Variants in KDM5A observed in about 807,000 individuals in gnomAD.
KDM5A encodes the protein lysine-specific demethylase 5A.
A neutral mutation model predicts 193.5 loss-of-function variants in KDM5A; 42 were observed. That is an observed-to-expected ratio of 0.22 (90% CI 0.17 to 0.28). KDM5A has a LOEUF of 0.28. Among genes scored for constraint, KDM5A ranks in the 10% least tolerant of loss-of-function variants. The pLI is 1.00. For missense variants in KDM5A, 1,692 were observed against 2,055.1 expected (o/e 0.82, Z 3.42); for synonymous variants, 796 against 718.1 (o/e 1.11, Z -1.73).
chr12:376,273 G>A (rs1333812113), intron 3 of KDM5A, among the ~76,000 whole-genome samples: 1 of 152,202 alleles, frequency 6.6e-6, no homozygotes, highest in Non-Finnish European at 1.5e-5. Flanking sequence ...TCAAGCCTCA[G>A]CAATTGTGGG....
intron 24 of KDM5A, among the ~76,000 whole-genome samples, chr12:306,092 CT>C (rs1307927924): frequency 6.6e-6 from 1 of 151,260 alleles, no homozygotes; most frequent in African/African-American, 2.4e-5. Context: ...CCACTTCAGC[CT>C]CCCAAGTAGC....
At chr12:343,163 G>T (rs1176086990) in intron 10 of KDM5A, among the ~76,000 whole-genome samples, 1 of 152,202 alleles carries the variant, frequency 6.6e-6, no homozygotes, top group East Asian at 1.9e-4. Context: ...ACAGAGCCTT[G>T]CTCACTGCTA....
At chr12:339,506 G>C (rs1032819930) in intron 10 of KDM5A, among the ~76,000 whole-genome samples, 1 of 152,104 alleles carries the variant, frequency 6.6e-6, no homozygotes, top group Non-Finnish European at 1.5e-5. Context: ...AACAAAAAAG[G>C]CTTCACTGCC....
chr12:329,138 A>G (rs2137419418), intron 13 of KDM5A, 109 bp from the exon 14 acceptor site: 2 of 843,148 alleles, frequency 2.4e-6, no homozygotes, highest in Admixed American at 2.0e-5. Flanking sequence ...ACAGAATACC[A>G]AATCCATTTA....
intron 19 of KDM5A, among the ~76,000 whole-genome samples, chr12:316,732 C>A (rs1380176341): frequency 2.0e-5 from 3 of 152,148 alleles, no homozygotes; most frequent in African/African-American, 4.8e-5. Context: ...ACAGTTCCAA[C>A]AGGAAAAGCT....
At chr12:369,425 T>C (rs1944398088) in intron 3 of KDM5A, among the ~76,000 whole-genome samples, 1 of 152,182 alleles carries the variant, frequency 6.6e-6, no homozygotes, top group Admixed American at 6.5e-5. Context: ...TTTGTCCTCA[T>C]GGAGCTTACA....
chr12:330,085 G>GTATATATATATATATA (rs1555132314), intron 13 of KDM5A, among the ~76,000 whole-genome samples: 1 of 139,320 alleles, frequency 7.2e-6, no homozygotes, highest in African/African-American at 2.7e-5. Flanking sequence ...GTGTGTGTGT[G>GTATATATATATATATA]TATATATATA....
chr12:318,155 T>C lies in KDM5A; in HGVS notation c.2848A>G (p.Thr950Ala). 1 of 1,614,228 alleles carries C rather than the reference T, an allele frequency of 6.2e-7. No homozygotes were observed. Among genetic ancestry groups the C allele is most frequent in the Non-Finnish European group, 8.5e-7 (1 of 1,180,040 alleles). Residue 950 changes from threonine to alanine, a missense_variant, in exon 19 of 28, where the codon ACA becomes GCA. Around this residue, in one of 11 missense-constraint regions of KDM5A, gnomAD observed 965 missense variants for 1,061.0 expected, o/e 0.91. Transcript: ENST00000399788. ...KAMAELQELLTVSERWEEKAK... is the reference protein window; with the variant it reads ...KAMAELQELLAVSERWEEKAK... ...TTTTCTTCCCATCGTTCAGAGACTG[T>C]AAGGAGCTCCTGTAGTTCAGCCATT...
intron 27 of KDM5A, among the ~76,000 whole-genome samples, chr12:287,373 C>T (rs1943231575): frequency 6.6e-6 from 1 of 151,970 alleles, no homozygotes; most frequent in South Asian, 2.1e-4. Flanking sequence ...CCTGTAAATT[C>T]AGAGCAACTT....
At chr12:340,824 A>G (rs866551847) in intron 10 of KDM5A, among the ~76,000 whole-genome samples, 1 of 152,172 alleles carries the variant, frequency 6.6e-6, no homozygotes, top group African/African-American at 2.4e-5. Flanking sequence ...AGAAAACATC[A>G]AAGAGCCAGG....
At chr12:323,818 T>G in intron 14 of KDM5A, 37 bp from the exon 15 acceptor site, 1 of 1,567,394 alleles carries the variant, frequency 6.4e-7, no homozygotes. Context: ...CAAGTCTTTC[T>G]AGTCTTTAAA....
At chr12:323,233 A>AAAAAAAAAAAAAAAAAAAT in intron 15 of KDM5A, 27 bp from the exon 16 acceptor site, 1 of 1,498,986 alleles carries the variant, frequency 6.7e-7, no homozygotes, top group Non-Finnish European at 8.9e-7. Context: ...AAAAAAAAAA[A>AAAAAAAAAAAAAAAAAAAT]AAAAAAGAAA....
At chr12:368,381 A>T (rs751287158) in intron 3 of KDM5A, among the ~76,000 whole-genome samples, 44 of 152,200 alleles carry the variant, frequency 2.9e-4, no homozygotes, top group Non-Finnish European at 6.0e-4. Flanking sequence ...AAAAAAGATG[A>T]AAAGAAGACT....
At chr12:301,357 T>C (rs988452170) in intron 24 of KDM5A, among the ~76,000 whole-genome samples, 3 of 152,240 alleles carry the variant, frequency 2.0e-5, no homozygotes, top group Admixed American at 1.3e-4. Flanking sequence ...GTCCCCAGGA[T>C]GCAAGGCTGG....
chr12:384,423 T>G (rs998151840), intron 2 of KDM5A, among the ~76,000 whole-genome samples: 6 of 152,206 alleles, frequency 3.9e-5, no homozygotes, highest in Non-Finnish European at 8.8e-5. Context: ...TGGAACAGTT[T>G]CATCCCAAAA....
intron 10 of KDM5A, among the ~76,000 whole-genome samples, chr12:339,616 G>A (rs1316185717): frequency 6.6e-6 from 1 of 152,128 alleles, no homozygotes; most frequent in East Asian, 1.9e-4. Flanking sequence ...AGGACATTTA[G>A]CAAAATAATT....
intron 3 of KDM5A, among the ~76,000 whole-genome samples, chr12:373,132 T>C (rs1251685682): frequency 6.6e-6 from 1 of 152,198 alleles, no homozygotes; most frequent in Non-Finnish European, 1.5e-5. Flanking sequence ...GAATTCCCTC[T>C]TGTTCTATTG....
chr12:303,536 T>C (rs950831688), intron 24 of KDM5A, among the ~76,000 whole-genome samples: 3 of 152,120 alleles, frequency 2.0e-5, no homozygotes, highest in East Asian at 3.9e-4. Flanking sequence ...AGGGGAGGCA[T>C]AGCATTAGGA....
intron 8 of KDM5A, among the ~76,000 whole-genome samples, chr12:353,453 G>GA: frequency 6.6e-6 from 1 of 152,180 alleles, no homozygotes; most frequent in Non-Finnish European, 1.5e-5. Flanking sequence ...AATTAATAGA[G>GA]AAAAAACTAT....
Sources: allele counts gnomAD v4.1 joint callset (sites outside exome capture counted in the v4.1 genomes callset), GRCh38; gene constraint gnomAD v4.1.1; regional missense constraint gnomAD v4.1.1; transcripts MANE v1.5; gene names NCBI Gene and HGNC (gene_info 2026-07-23, HGNC 2026-07-21).